Variants in TMOD3 observed in about 807,000 individuals in gnomAD.
TMOD3 encodes tropomodulin-3.
In TMOD3, 20 loss-of-function variants were observed where a neutral mutation model predicts 39.2. The observed-to-expected ratio is 0.51, with a 90% confidence interval of 0.36 to 0.74. TMOD3 has a LOEUF of 0.74. Ranked by LOEUF, TMOD3 falls within the 30% of genes least tolerant of loss-of-function variation. TMOD3 has a pLI of 0.00. For missense variants in TMOD3, 381 were observed against 412.8 expected, an observed-to-expected ratio of 0.92 and a Z score of 0.67; for synonymous variants, 143 against 145.8, an observed-to-expected ratio of 0.98 and a Z score of 0.14.
chr15:51,861,376 C>T (rs2554328), intron 1 of TMOD3: 72,323 of 184,312 alleles, frequency 0.39, 14,851 homozygotes, highest in Admixed American at 0.52. Context: ...TTGTTGGACC[C>T]AAGGTGGTTG....
intron 8 of TMOD3, 29 bp downstream of exon 8, chr15:51,900,327 G>A: frequency 6.2e-7 from 1 of 1,612,906 alleles, no homozygotes; most frequent in Non-Finnish European, 8.5e-7. Context: ...TAACGTCGAG[G>A]AAGCTACAGC....
intron 9 of TMOD3, among the ~76,000 whole-genome samples, chr15:51,906,294 T>C (rs533705801): frequency 6.6e-6 from 1 of 152,352 alleles, no homozygotes; most frequent in South Asian, 2.1e-4. Flanking sequence ...TCAAAAGAGA[T>C]AATCAAAGAA....
chr15:51,883,790 A>G (rs1394959737), intron 3 of TMOD3, among the ~76,000 whole-genome samples: 5 of 152,210 alleles, frequency 3.3e-5, no homozygotes, highest in African/African-American at 1.2e-4. Flanking sequence ...CACTGTGCAT[A>G]TAACATTTAG....
At chr15:51,857,969 G>A (rs1476433482) in intron 1 of TMOD3, 2 of 152,068 alleles carry the variant, frequency 1.3e-5, no homozygotes, top group African/African-American at 4.8e-5. Flanking sequence ...GGAAAGTGAT[G>A]ATATCTTCCA....
intron 1 of TMOD3, among the ~76,000 whole-genome samples, chr15:51,856,289 G>C (rs1340498328): frequency 6.6e-6 from 1 of 152,064 alleles, no homozygotes; most frequent in East Asian, 1.9e-4. Context: ...CAAACAAAAA[G>C]TGATAACTTT....
At chr15:51,859,124 T>G (rs954665770) in intron 1 of TMOD3, 2 of 625,420 alleles carry the variant, frequency 3.2e-6, no homozygotes, top group African/African-American at 1.8e-5. Flanking sequence ...GGACTCATAA[T>G]ACATATTTGC....
chr15:51,901,268 T>C (rs2056648679), intron 8 of TMOD3: 1 of 152,438 alleles, frequency 6.6e-6, no homozygotes, highest in Non-Finnish European at 1.5e-5. Flanking sequence ...CTGTGAACAT[T>C]CATTACAAAC....
intron 1 of TMOD3, among the ~76,000 whole-genome samples, chr15:51,853,905 T>C (rs1264182163): frequency 1.3e-5 from 2 of 152,034 alleles, no homozygotes; most frequent in East Asian, 1.9e-4. Context: ...CATTTTCAGC[T>C]AGGTCTTGAA....
At chr15:51,859,927 C>A (rs906179986) in intron 1 of TMOD3, 2 of 543,972 alleles carry the variant, frequency 3.7e-6, no homozygotes, top group Non-Finnish European at 3.7e-6. Flanking sequence ...TGGTTCTTTC[C>A]AACCTCTTCC....
chr15:51,911,143 G>A lies in TMOD3; in HGVS notation c.*2333G>A, dbSNP rs2141714440. The stretch of plus-strand genomic sequence containing the variant: ...GACTTTCAGTCAGGCATCCTCGTTT[G>A]CATTGTCCTGTAAGTCAATTAGTTG... On this transcript the variant is annotated 3_prime_UTR_variant, in exon 10 of 10. Transcript: ENST00000308580. The A allele has an allele frequency of 6.6e-6, 1 of 152,254 alleles. No individual in the cohort carries two copies. The highest frequency in any genetic ancestry group is 1.9e-4 in the East Asian group (1 of 5,188). The allele number at this position is 152,254 out of a possible 1,614,324, so 9.4% of individuals were successfully genotyped here.
chr15:51,862,949 G>A lies in TMOD3; in HGVS notation c.65G>A (p.Gly22Glu). Residue 22 changes from glycine to glutamate, a missense_variant, in exon 2 of 10, where the codon GGG becomes GAG. Gly to Glu is a moderately conservative substitution (Grantham distance 98). Coordinates refer to ENST00000308580, the MANE Select transcript of TMOD3 (RefSeq NM_014547.5). Reference protein sequence around the residue: ...YKDLDEDELLGNLSETELKQL... With the variant: ...YKDLDEDELLENLSETELKQL... ...GACCTTGATGAAGATGAGCTCCTTG[G>A]GAATCTGTCAGAAACAGAACTGAAA... The A allele has an allele frequency of 6.2e-7, 1 of 1,614,032 alleles. No individual in the cohort carries two copies. Among genetic ancestry groups the A allele is most frequent in the Non-Finnish European group, 8.5e-7 (1 of 1,179,940 alleles).
At chr15:51,874,010 C>T (rs961475393) in intron 3 of TMOD3, among the ~76,000 whole-genome samples, 1 of 152,210 alleles carries the variant, frequency 6.6e-6, no homozygotes, top group Non-Finnish European at 1.5e-5. Context: ...TATTCTGAGA[C>T]TGACAATTAA....
intron 9 of TMOD3, among the ~76,000 whole-genome samples, chr15:51,905,840 A>G (rs2056675764): frequency 2.0e-5 from 3 of 149,884 alleles, no homozygotes; most frequent in Admixed American, 2.0e-4. Flanking sequence ...GCTACTCGGG[A>G]GGCTGAGGCA....
intron 7 of TMOD3, among the ~76,000 whole-genome samples, chr15:51,899,914 C>T (rs973874350): frequency 2.0e-5 from 3 of 152,042 alleles, no homozygotes; most frequent in African/African-American, 7.2e-5. Flanking sequence ...AATACTATGC[C>T]ATTTTCTATA....
chr15:51,854,216 T>C (rs2056377129), intron 1 of TMOD3, among the ~76,000 whole-genome samples: 1 of 152,188 alleles, frequency 6.6e-6, no homozygotes, highest in Non-Finnish European at 1.5e-5. Context: ...AGCCATCTGG[T>C]CTCTGTTGCA....
chr15:51,864,737 A>G (rs745857466), intron 2 of TMOD3, among the ~76,000 whole-genome samples: 1 of 152,184 alleles, frequency 6.6e-6, no homozygotes, highest in Non-Finnish European at 1.5e-5. Context: ...GCTCAGGGCT[A>G]TGTAACTAGT....
At chr15:51,893,704 G>T in intron 5 of TMOD3, 111 bp from the exon 6 acceptor site, 2 of 1,037,952 alleles carry the variant, frequency 1.9e-6, no homozygotes, top group Non-Finnish European at 2.6e-6. Context: ...GGCGGAGCTT[G>T]CAGTGAGCCG....
At chr15:51,896,567 C>T (rs1427856378) in intron 7 of TMOD3, 41 bp downstream of exon 7, 5 of 1,468,742 alleles carry the variant, frequency 3.4e-6, no homozygotes, top group Non-Finnish European at 4.7e-6. Flanking sequence ...ATGACATGCC[C>T]AGGGTGTGTT....
chr15:51,851,178 G>A (rs2056360202), intron 1 of TMOD3, among the ~76,000 whole-genome samples: 1 of 152,184 alleles, frequency 6.6e-6, no homozygotes, highest in Admixed American at 6.5e-5. Flanking sequence ...GCTGAGGTAA[G>A]CTGAGGACTG....
Sources: allele counts gnomAD v4.1 joint callset (sites outside exome capture counted in the v4.1 genomes callset), GRCh38; gene constraint gnomAD v4.1.1; transcripts MANE v1.5; gene names NCBI Gene and HGNC (gene_info 2026-07-23, HGNC 2026-07-21).